UGGT2: variants seen among roughly 807,000 people sequenced by gnomAD.
The protein encoded by UGGT2 is UDP-glucose glycoprotein glucosyltransferase 2, also known as UDP-glucose:glycoprotein glucosyltransferase 2.
UGGT2 carries 180 observed loss-of-function variants against 192.1 expected under a neutral mutation model. That is an observed-to-expected ratio of 0.94 (90% CI 0.83 to 1.06). The LOEUF (loss-of-function observed/expected upper bound fraction) is 1.06. Among genes scored for constraint, UGGT2 ranks in the 50% least tolerant of loss-of-function variants. The pLI, the probability that UGGT2 is intolerant of heterozygous loss-of-function variation, is 0.00. For missense variants in UGGT2, 1,849 were observed against 1,795.7 expected (o/e 1.03, Z -0.54); for synonymous variants, 580 against 591.0 (o/e 0.98, Z 0.27).
At chr13:95,913,392 G>GA (rs1350388086) in intron 20 of UGGT2, among the ~76,000 whole-genome samples, 1 of 151,932 alleles carries the variant, frequency 6.6e-6, no homozygotes. Flanking sequence ...AAACTTATAA[G>GA]AAAAAAACAA....
At chr13:95,942,221 GGTGTGTGTGTGTGTGTGTGTGTGT>G (rs370041064) in intron 15 of UGGT2, among the ~76,000 whole-genome samples, 50 of 118,084 alleles carry the variant, frequency 4.2e-4, no homozygotes, top group South Asian at 1.3e-3. Flanking sequence ...TTAGGGTGAG[GGTGTGTGTGTGTGTGTGTGTGTGT>G]GTGTGTGTGT....
chr13:95,869,714 G>A (rs933447475), intron 29 of UGGT2, among the ~76,000 whole-genome samples: 3 of 152,172 alleles, frequency 2.0e-5, no homozygotes, highest in African/African-American at 7.2e-5. Context: ...CTGGATACAT[G>A]AGGAAAATGT....
intron 1 of UGGT2, among the ~76,000 whole-genome samples, chr13:96,050,504 T>A (rs2053453231): frequency 1.3e-5 from 2 of 152,158 alleles, no homozygotes; most frequent in Admixed American, 6.5e-5. Flanking sequence ...GTAAAGAGCA[T>A]CTGCACAGCA....
At chr13:96,011,145 A>G (rs1389718084) in intron 5 of UGGT2, among the ~76,000 whole-genome samples, 3 of 152,122 alleles carry the variant, frequency 2.0e-5, no homozygotes, top group African/African-American at 4.8e-5. Context: ...AAACTATAAA[A>G]CGCTTAGAAT....
At chr13:95,824,680 T>C (rs1885840104) in intron 38 of UGGT2, among the ~76,000 whole-genome samples, 1 of 152,120 alleles carries the variant, frequency 6.6e-6, no homozygotes, top group Admixed American at 6.6e-5. Context: ...TTTTCATTCA[T>C]ATCCTGAATT....
rs977726010 is a variant in UGGT2, at chr13:95,801,607, T to C, written c.*183A>G. 1.9e-6 allele frequency: 1 copy of C among 536,886 alleles called. No individual in the cohort carries two copies. The highest frequency in any genetic ancestry group is 1.9e-5 in the African/African-American group (1 of 51,524). The allele number at this position is 536,886 out of a possible 1,614,324, so 33.3% of individuals were successfully genotyped here. On this transcript the variant is annotated 3_prime_UTR_variant, in exon 39 of 39. Coordinates refer to ENST00000376747, the MANE Select transcript of UGGT2 (RefSeq NM_020121.4). Reference sequence around the variant, plus strand: ...TTAAATACTCAATGGTCATTTATTATATAACTTAAACTCATTCAATACATT... The same window carrying C: ...TTAAATACTCAATGGTCATTTATTACATAACTTAAACTCATTCAATACATT...
At position 95,838,647 on chromosome 13, in the gene UGGT2, A is replaced by G. The variant is rs115213073; in HGVS notation, c.4285-1445T>C. 9.3e-3 allele frequency among the ~76,000 whole-genome samples: 1,411 copies of G among 152,232 alleles called. 22 individuals are homozygous for G. The highest frequency in any genetic ancestry group is 0.032 in the African/African-American group (1,344 of 41,546). ...AGCCCAGAAATAGAAAATTACCCAT[A>G]CTTTCTGCTCATTTTTTTTGTAAAC... On this transcript the variant is annotated intron_variant, in intron 36 of 38. Coordinates refer to ENST00000376747, the MANE Select transcript of UGGT2 (RefSeq NM_020121.4).
chr13:95,892,861 G>T (rs1358805419), intron 24 of UGGT2, among the ~76,000 whole-genome samples: 1 of 152,096 alleles, frequency 6.6e-6, no homozygotes, highest in Non-Finnish European at 1.5e-5. Context: ...TGACAGGAGG[G>T]TCATTATTGC....
intron 37 of UGGT2, among the ~76,000 whole-genome samples, chr13:95,834,424 C>T (rs1887065998): frequency 1.3e-5 from 2 of 152,014 alleles, no homozygotes; most frequent in Non-Finnish European, 2.9e-5. Context: ...CACAGGAAAA[C>T]CCCTGTAACA....
chr13:95,924,183 T>C (rs2140420569), intron 20 of UGGT2, among the ~76,000 whole-genome samples: 1 of 152,162 alleles, frequency 6.6e-6, no homozygotes, highest in Non-Finnish European at 1.5e-5. Context: ...ATCCATCCTA[T>C]AAGGAATAAA....
intron 1 of UGGT2, among the ~76,000 whole-genome samples, chr13:96,038,708 T>C (rs2053077837): frequency 6.7e-6 from 1 of 150,338 alleles, no homozygotes; most frequent in South Asian, 2.2e-4. Context: ...AGCTGCCCTT[T>C]TTTTGTTGGG....
rs143970618 is a variant in UGGT2 at position 95,866,295 on chromosome 13, G to A, written c.3558+1044C>T. On this transcript the variant is annotated intron_variant, in intron 30 of 38. Transcript: ENST00000376747. Reference sequence around the variant, plus strand: ...CTCATCTTTAATTTCTTTAAAAAAAGTACAGCTATTTCAGAGGCTATTCTA... The same window carrying A: ...CTCATCTTTAATTTCTTTAAAAAAAATACAGCTATTTCAGAGGCTATTCTA... Among the ~76,000 whole-genome samples, 215 of 152,158 alleles carry A rather than the reference G, an allele frequency of 1.4e-3. 2 individuals are homozygous for A. Among genetic ancestry groups the A allele is most frequent in the Middle Eastern group, 0.014 (4 of 294 alleles).
At chr13:96,004,384 G>T (rs1231444739) in intron 5 of UGGT2, among the ~76,000 whole-genome samples, 1 of 152,006 alleles carries the variant, frequency 6.6e-6, no homozygotes, top group Non-Finnish European at 1.5e-5. Flanking sequence ...TTGAAGTCAG[G>T]GAGACAGAGA....
chr13:95,814,513 G>C (rs914221679), intron 38 of UGGT2, among the ~76,000 whole-genome samples: 12 of 152,150 alleles, frequency 7.9e-5, no homozygotes, highest in Non-Finnish European at 1.5e-4. Flanking sequence ...TTTATCCAAT[G>C]CTTACATCTC....
chr13:95,948,888 G>C (rs1486203894), intron 13 of UGGT2, among the ~76,000 whole-genome samples: 2 of 152,162 alleles, frequency 1.3e-5, no homozygotes, highest in East Asian at 3.9e-4. Flanking sequence ...CCCAGTAGGA[G>C]GTAATTAAAT....
chr13:95,949,268 G>A, intron 13 of UGGT2, 67 bp downstream of exon 13: 2 of 1,321,886 alleles, frequency 1.5e-6, no homozygotes, highest in Non-Finnish European at 2.0e-6. Flanking sequence ...ATTGACAGAA[G>A]GATAATCCAG....
intron 17 of UGGT2, among the ~76,000 whole-genome samples, chr13:95,931,263 T>G (rs575966612): frequency 1.4e-3 from 217 of 152,242 alleles, no homozygotes; most frequent in African/African-American, 4.8e-3. Flanking sequence ...CTGATTGGTG[T>G]GTTTACAAAT....
At chr13:95,970,504 G>T (rs1331868448) in intron 11 of UGGT2, among the ~76,000 whole-genome samples, 1 of 151,926 alleles carries the variant, frequency 6.6e-6, no homozygotes, top group Non-Finnish European at 1.5e-5. Context: ...AAACAACAAA[G>T]ACTATTGTAT....
At position 95,983,854 on chromosome 13, in the gene UGGT2, TG is replaced by T. The variant is rs1397958957; in HGVS notation, c.1041del (p.Arg348GlufsTer4). The T allele has an allele frequency of 6.4e-7, 1 of 1,567,392 alleles. No individual in the cohort carries two copies. Among genetic ancestry groups the T allele is most frequent in the Admixed American group, 1.9e-5 (1 of 52,308 alleles). On this transcript the variant is annotated frameshift_variant, in exon 10 of 39. Transcript: ENST00000376747. LOFTEE classifies it high-confidence loss of function. ...CTCATATGTTGATTTACAGCAATTC[TG>T]GTTAGAGATCTGGAAAAATGAATAC... Reference protein sequence around the residue: ...QNFPIKARSLTRIAVNQHMRE... With the variant: ...QNFPIKARSLXRIAVNQHMRE...
Sources: allele counts gnomAD v4.1 joint callset (sites outside exome capture counted in the v4.1 genomes callset), GRCh38; gene constraint gnomAD v4.1.1; transcripts MANE v1.5; gene names NCBI Gene and HGNC (gene_info 2026-07-23, HGNC 2026-07-21).